SMYD3: variants seen among roughly 807,000 people sequenced by gnomAD.
The protein encoded by SMYD3 is histone-lysine N-methyltransferase SMYD3.
A neutral mutation model predicts 57.7 loss-of-function variants in SMYD3; 36 were observed. That is an observed-to-expected ratio of 0.62 (90% CI 0.48 to 0.82). The LOEUF is 0.82. Among genes scored for constraint, SMYD3 ranks in the 40% least tolerant of loss-of-function variants. The pLI is 0.00. For synonymous variants in SMYD3, 211 were observed against 195.0 expected (o/e 1.08, Z -0.68); for missense variants, 515 against 538.8 (o/e 0.96, Z 0.44).
rs758083478 is a variant in SMYD3, at chr1:246,507,133, G to T, written c.85C>A (p.Leu29Ile). ...RAVTPLRPGE[L>I]LFRSDPLAYT... ...GCCAAGGGATCCGAGCGGAAGAGTA[G>T]CTCTCCGGGGCGCAGCGGGGTCACG... The change falls in exon 1 of 12, where the codon CTA becomes ATA. Residue 29 changes from leucine (L) to isoleucine (I), a missense_variant. Leu to Ile is a conservative substitution (Grantham distance 5). Coordinates refer to ENST00000490107, the MANE Select transcript of SMYD3 (RefSeq NM_001167740.2). 7.8e-6 allele frequency: 12 copies of T among 1,534,362 alleles called. No homozygotes were observed. The South Asian group carries it at 1.5e-4, about 19-fold the overall frequency.
At chr1:246,023,197 C>T (rs998644932) in intron 5 of SMYD3, among the ~76,000 whole-genome samples, 1 of 152,144 alleles carries the variant, frequency 6.6e-6, no homozygotes, top group African/African-American at 2.4e-5. Flanking sequence ...ATTAAAGAAG[C>T]ATCTACTTAA....
intron 1 of SMYD3, among the ~76,000 whole-genome samples, chr1:246,453,044 A>G (rs2067653813): frequency 6.6e-6 from 1 of 152,248 alleles, no homozygotes; most frequent in African/African-American, 2.4e-5. Context: ...AGTGCTTACT[A>G]TATGTCAGAT....
rs539467467 is a variant in SMYD3, at chr1:246,315,419, A to AC, written c.531+11781dup. Among the ~76,000 whole-genome samples the AC allele has an allele frequency of 7.9e-4, 120 of 152,316 alleles. 1 individual carries two copies. The highest frequency in any genetic ancestry group is 2.8e-3 in the African/African-American group (117 of 41,558). On this transcript the variant is annotated intron_variant, in intron 5 of 11. Coordinates refer to ENST00000490107, the MANE Select transcript of SMYD3 (RefSeq NM_001167740.2). ...AGTAGAAACCTTAAGAATAAGCAGG[A>AC]CCTCAATAGAGAGGGCGAGGGAAGA...
chr1:246,188,016 G>A (rs1027262788), intron 5 of SMYD3, among the ~76,000 whole-genome samples: 1 of 151,828 alleles, frequency 6.6e-6, no homozygotes, highest in East Asian at 1.9e-4. Flanking sequence ...TGTAAAGCTC[G>A]AACTTGTTTT....
intron 1 of SMYD3, among the ~76,000 whole-genome samples, chr1:246,451,370 G>A (rs529851163): frequency 2.6e-5 from 4 of 152,294 alleles, no homozygotes; most frequent in South Asian, 2.1e-4. Context: ...ATTACTAAGC[G>A]AAAGAAGCCA....
intron 1 of SMYD3, among the ~76,000 whole-genome samples, chr1:246,359,480 CT>C (rs1358714605): frequency 6.6e-6 from 1 of 152,090 alleles, no homozygotes; most frequent in African/African-American, 2.4e-5. Flanking sequence ...CAGTATCACC[CT>C]AGTACAAAAA....
intron 5 of SMYD3, among the ~76,000 whole-genome samples, chr1:245,994,967 A>C (rs1480467902): frequency 6.6e-6 from 1 of 152,152 alleles, no homozygotes; most frequent in Non-Finnish European, 1.5e-5. Flanking sequence ...TCTACTAAAA[A>C]TATAAAAATT....
Position 245,836,833 on chromosome 1 carries a change from C to T in SMYD3, c.1076+21663G>A, listed in dbSNP as rs116684045. Among the ~76,000 whole-genome samples the T allele has an allele frequency of 3.2e-3, 494 of 152,264 alleles. 3 individuals carry two copies. The highest frequency in any genetic ancestry group is 0.011 in the African/African-American group (470 of 41,542). Reference sequence around the variant, plus strand: ...ACAAGGCAAAGCAAAACGACAAGCACGCCCTGAGCAGAGCCCCGGGAATTC... The same window carrying T: ...ACAAGGCAAAGCAAAACGACAAGCATGCCCTGAGCAGAGCCCCGGGAATTC... On this transcript the variant is annotated intron_variant, in intron 10 of 11. Transcript: ENST00000490107.
chr1:245,753,578 G>A lies in SMYD3; in HGVS notation c.1186-3914C>T, dbSNP rs142141230. Among the ~76,000 whole-genome samples, 8 of 132,750 alleles carry A rather than the reference G, an allele frequency of 6.0e-5. No individual in the cohort carries two copies. In the East Asian group the frequency reaches 1.5e-3, roughly 26 times the overall value. The allele number at this position is 132,750 out of a possible 152,430, so 87.1% of individuals were successfully genotyped here. ...GGGCAGACAGTCCTCAACAATGTAC[G>A]GAGAGGGCCCTGTGTGGCCCTGGGC... On this transcript the variant is annotated intron_variant, in intron 11 of 11. Coordinates refer to ENST00000490107, the MANE Select transcript of SMYD3 (RefSeq NM_001167740.2).
intron 5 of SMYD3, among the ~76,000 whole-genome samples, chr1:246,286,079 G>A (rs961422524): frequency 1.3e-5 from 2 of 152,144 alleles, no homozygotes; most frequent in Non-Finnish European, 2.9e-5. Flanking sequence ...AAAACAGTGT[G>A]GAGATTCCTT....
intron 10 of SMYD3, among the ~76,000 whole-genome samples, chr1:245,804,357 C>T (rs1486387353): frequency 3.9e-5 from 6 of 152,104 alleles, no homozygotes; most frequent in South Asian, 4.1e-4. Flanking sequence ...CCAAGGCAGG[C>T]GGATCACGAA....
chr1:245,816,723 A>G (rs576835645), intron 10 of SMYD3, among the ~76,000 whole-genome samples: 2 of 152,092 alleles, frequency 1.3e-5, no homozygotes, highest in African/African-American at 2.4e-5. Flanking sequence ...GGGTAAGGCA[A>G]TGCCTCACTC....
At chr1:246,235,686 A>T (rs1281260041) in intron 5 of SMYD3, among the ~76,000 whole-genome samples, 1 of 152,030 alleles carries the variant, frequency 6.6e-6, no homozygotes, top group Non-Finnish European at 1.5e-5. Context: ...CTCTATTTGA[A>T]TTTTTCTTCT....
Position 245,878,761 on chromosome 1 carries a change from A to C in SMYD3, c.814-14875T>G, listed in dbSNP as rs150544013. ...CCTGTGACTTTCACAGCCCCATTGC[A>C]TTACAGGGGCCTGAACTGCAGGAAT... On this transcript the variant is annotated intron_variant, in intron 8 of 11. Coordinates refer to ENST00000490107, the MANE Select transcript of SMYD3 (RefSeq NM_001167740.2). Among the ~76,000 whole-genome samples the C allele has an allele frequency of 3.3e-5, 5 of 152,296 alleles. No individual in the cohort carries two copies. In the East Asian group the frequency reaches 9.7e-4, roughly 29 times the overall value.
At chr1:246,181,223 T>C (rs929139344) in intron 5 of SMYD3, among the ~76,000 whole-genome samples, 2 of 152,180 alleles carry the variant, frequency 1.3e-5, no homozygotes, top group Non-Finnish European at 2.9e-5. Context: ...GAGTATATTT[T>C]ACAAATTTCT....
intron 5 of SMYD3, among the ~76,000 whole-genome samples, chr1:246,208,792 T>C (rs1467138011): frequency 1.3e-5 from 2 of 152,150 alleles, no homozygotes; most frequent in Admixed American, 1.3e-4. Context: ...AAAGTAGTTT[T>C]TGGGCTCATG....
At chr1:245,986,298 T>C (rs1236025789) in intron 5 of SMYD3, among the ~76,000 whole-genome samples, 1 of 152,222 alleles carries the variant, frequency 6.6e-6, no homozygotes, top group Non-Finnish European at 1.5e-5. Context: ...CAACAGTGTT[T>C]CCTTTCTAGT....
At chr1:246,098,490 G>C (rs2060953495) in intron 5 of SMYD3, among the ~76,000 whole-genome samples, 1 of 152,082 alleles carries the variant, frequency 6.6e-6, no homozygotes, top group African/African-American at 2.4e-5. Context: ...AATATTTAAA[G>C]CCAATAAACA....
At chr1:246,167,378 C>A (rs1331682670) in intron 5 of SMYD3, among the ~76,000 whole-genome samples, 1 of 152,134 alleles carries the variant, frequency 6.6e-6, no homozygotes, top group African/African-American at 2.4e-5. Context: ...ACATTCCTAT[C>A]AGCAATGTAC....
Sources: allele counts gnomAD v4.1 joint callset (sites outside exome capture counted in the v4.1 genomes callset), GRCh38; gene constraint gnomAD v4.1.1; transcripts MANE v1.5; gene names NCBI Gene and HGNC (gene_info 2026-07-23, HGNC 2026-07-21).